The following UNC5D variants were observed in gnomAD, a reference collection of about 807,000 sequenced individuals.
UNC5D encodes the protein netrin receptor UNC5D.
UNC5D carries 39 observed loss-of-function variants against 105.4 expected under a neutral mutation model. That is an observed-to-expected ratio of 0.37 (90% CI 0.29 to 0.48). The LOEUF is 0.48. Among genes scored for constraint, UNC5D ranks in the 20% least tolerant of loss-of-function variants. The pLI is 0.98. For missense variants in UNC5D, 991 were observed against 1,202.4 expected (o/e 0.82, Z 2.60); for synonymous variants, 452 against 450.4 (o/e 1.00, Z -0.04).
intron 1 of UNC5D, among the ~76,000 whole-genome samples, chr8:35,318,670 G>A (rs2128883571): frequency 6.6e-6 from 1 of 152,168 alleles, no homozygotes; most frequent in South Asian, 2.1e-4. Context: ...ATAGATAGAT[G>A]ACATTTAAAG....
intron 1 of UNC5D, among the ~76,000 whole-genome samples, chr8:35,305,574 T>TCA (rs1808280825): frequency 5.7e-5 from 1 of 17,446 alleles, no homozygotes; most frequent in African/African-American, 1.6e-4. Context: ...TTTCTTTCTT[T>TCA]CTTTTTCTTT....
chr8:35,641,029 G>T (rs770381292), intron 4 of UNC5D, among the ~76,000 whole-genome samples: 1 of 151,732 alleles, frequency 6.6e-6, no homozygotes, highest in Non-Finnish European at 1.5e-5. Context: ...AGCTTTTTTA[G>T]AGATAAGAAA....
chr8:35,327,631 G>C (rs148925727), intron 1 of UNC5D, among the ~76,000 whole-genome samples: 6 of 151,884 alleles, frequency 4.0e-5, no homozygotes, highest in African/African-American at 1.5e-4. Flanking sequence ...TATCTGTTGT[G>C]GGGGGGGGAT....
At chr8:35,718,992 G>A (rs367579700) in intron 8 of UNC5D, among the ~76,000 whole-genome samples, 4 of 152,226 alleles carry the variant, frequency 2.6e-5, no homozygotes, top group South Asian at 2.1e-4. Flanking sequence ...CCAGTCCCCC[G>A]GAAGTGACTG....
At chr8:35,466,828 C>A (rs1319715319) in intron 1 of UNC5D, among the ~76,000 whole-genome samples, 1 of 152,168 alleles carries the variant, frequency 6.6e-6, no homozygotes, top group Non-Finnish European at 1.5e-5. Flanking sequence ...CTAGACAGCA[C>A]AACTGCATGC....
chr8:35,656,361 CA>C, intron 4 of UNC5D, among the ~76,000 whole-genome samples: 1 of 152,152 alleles, frequency 6.6e-6, no homozygotes, highest in Non-Finnish European at 1.5e-5. Flanking sequence ...TATAACCAGA[CA>C]ATGCCATATG....
intron 1 of UNC5D, among the ~76,000 whole-genome samples, chr8:35,277,802 G>T (rs1209848575): frequency 6.6e-6 from 1 of 152,160 alleles, no homozygotes. Context: ...TGGTCACTTT[G>T]CTTCTTCAAA....
intron 1 of UNC5D, among the ~76,000 whole-genome samples, chr8:35,351,218 C>A (rs1453942655): frequency 1.3e-5 from 2 of 151,886 alleles, no homozygotes; most frequent in Non-Finnish European, 2.9e-5. Context: ...TTGAGACTCA[C>A]TTTTTTTTCC....
chr8:35,335,692 A>G (rs983592577), intron 1 of UNC5D, among the ~76,000 whole-genome samples: 3 of 151,892 alleles, frequency 2.0e-5, no homozygotes, highest in African/African-American at 7.2e-5. Flanking sequence ...AATAATCGCT[A>G]ATGAAATACA....
intron 1 of UNC5D, among the ~76,000 whole-genome samples, chr8:35,298,903 T>C (rs1807708762): frequency 6.6e-6 from 1 of 152,222 alleles, no homozygotes; most frequent in Non-Finnish European, 1.5e-5. Flanking sequence ...AAGCATGCTT[T>C]TGAATAAAGG....
In UNC5D at chr8:35,457,951, A is replaced by G. The variant is rs552921269; in HGVS notation, c.104-91341A>G. ...CAAGAATCTCATGAAAGGCTGGCAA[A>G]CAATTTTTTCGAAGACCTCTTCAAA... is the stretch of plus-strand genomic sequence containing the variant. On this transcript the variant is annotated intron_variant, in intron 1 of 16. Transcript: ENST00000404895. 3.3e-5 allele frequency among the ~76,000 whole-genome samples: 5 copies of G among 152,294 alleles called. No individual in the cohort carries two copies. The South Asian group carries it at 1.0e-3, about 32-fold the overall frequency.
intron 1 of UNC5D, among the ~76,000 whole-genome samples, chr8:35,265,202 ACCTTAT>A (rs1804773144): frequency 7.7e-6 from 1 of 129,942 alleles, no homozygotes. Flanking sequence ...TAAGACTGTG[ACCTTAT>A]CATAGTCTGA....
At chr8:35,429,555 C>T (rs1362022588) in intron 1 of UNC5D, among the ~76,000 whole-genome samples, 1 of 151,996 alleles carries the variant, frequency 6.6e-6, no homozygotes. Context: ...ATTATTTAGC[C>T]ATTAAAGATA....
chr8:35,286,085 CT>C (rs1359650910), intron 1 of UNC5D, among the ~76,000 whole-genome samples: 1 of 152,100 alleles, frequency 6.6e-6, no homozygotes, highest in Admixed American at 6.6e-5. Context: ...TGACTGTAGC[CT>C]TCTGTCAAAT....
At chr8:35,447,185 G>C (rs1807851732) in intron 1 of UNC5D, among the ~76,000 whole-genome samples, 1 of 152,058 alleles carries the variant, frequency 6.6e-6, no homozygotes, top group Non-Finnish European at 1.5e-5. Flanking sequence ...AACTCACTTA[G>C]CAAGGAAGGA....
intron 1 of UNC5D, among the ~76,000 whole-genome samples, chr8:35,270,861 G>A (rs1161670198): frequency 1.7e-5 from 1 of 58,164 alleles, no homozygotes; most frequent in African/African-American, 4.4e-5. Flanking sequence ...TGTACTTGTG[G>A]CTGCAATAAA....
At chr8:35,452,014 A>G (rs1323689669) in intron 1 of UNC5D, among the ~76,000 whole-genome samples, 1 of 152,164 alleles carries the variant, frequency 6.6e-6, no homozygotes, top group African/African-American at 2.4e-5. Context: ...TTTAATTAAA[A>G]GCTTGTATGT....
intron 1 of UNC5D, among the ~76,000 whole-genome samples, chr8:35,434,969 C>T (rs558521709): frequency 2.0e-5 from 3 of 152,078 alleles, no homozygotes; most frequent in Non-Finnish European, 4.4e-5. Context: ...GAGTTTTATT[C>T]TGGCCATATC....
intron 1 of UNC5D, among the ~76,000 whole-genome samples, chr8:35,353,934 G>A (rs1919345): frequency 0.43 from 65,773 of 151,568 alleles, 14,497 homozygotes; most frequent in East Asian, 0.7. Context: ...GGCTAGAGAC[G>A]TTGTAGAGAG....
Sources: allele counts gnomAD v4.1 joint callset (sites outside exome capture counted in the v4.1 genomes callset), GRCh38; gene constraint gnomAD v4.1.1; transcripts MANE v1.5; gene names NCBI Gene and HGNC (gene_info 2026-07-23, HGNC 2026-07-21).